The following STK32C variants were observed in gnomAD, a reference collection of about 807,000 sequenced individuals.
The protein encoded by STK32C is serine/threonine kinase 32C, also known as serine/threonine-protein kinase 32C.
In STK32C, 31 loss-of-function variants were observed where a neutral mutation model predicts 56.5. That is an observed-to-expected ratio of 0.55 (90% CI 0.41 to 0.74). The LOEUF (loss-of-function observed/expected upper bound fraction) is 0.74, where lower values mean the gene tolerates loss of function less well. STK32C is among the 30% of genes least tolerant of loss of function. The probability of loss-of-function intolerance (pLI) is 0.00; values close to 1 mark genes in which losing one functional copy is unlikely to be tolerated. For missense variants in STK32C, 544 were observed against 676.9 expected (o/e 0.80, Z 2.18); for synonymous variants, 309 against 289.4 (o/e 1.07, Z -0.69).
intron 4 of STK32C, 81 bp downstream of exon 4, chr10:132,226,711 GGCC>G (rs1280074754): frequency 1.3e-6 from 2 of 1,520,300 alleles, no homozygotes; most frequent in African/African-American, 2.7e-5. Flanking sequence ...GAGGGAGTAC[GGCC>G]GCCGTGCCGG....
At chr10:132,249,328 G>A (rs1485409152) in intron 1 of STK32C, among the ~76,000 whole-genome samples, 1 of 148,266 alleles carries the variant, frequency 6.7e-6, no homozygotes, top group Non-Finnish European at 1.5e-5. Flanking sequence ...GACTGACAAG[G>A]AGGGCAGCCA....
intron 1 of STK32C, among the ~76,000 whole-genome samples, chr10:132,251,791 T>C (rs3902243): frequency 0.035 from 1,914 of 55,140 alleles, 2 homozygotes; most frequent in East Asian, 0.092. Context: ...GGCAGGTCAA[T>C]GCCCTACGCC....
chr10:132,311,105 G>A (rs531058766), upstream of STK32C, among the ~76,000 whole-genome samples: 1 of 152,310 alleles, frequency 6.6e-6, no homozygotes, highest in East Asian at 1.9e-4. This position sits in a 1 kb window ranked among gnomAD's most constrained non-coding sequence, Gnocchi z 4.4. Context: ...CGCCTCCTGA[G>A]GGACATGCCT....
intron 1 of STK32C, among the ~76,000 whole-genome samples, chr10:132,248,208 G>T (rs1590254997): frequency 6.6e-6 from 1 of 152,260 alleles, no homozygotes; most frequent in African/African-American, 2.4e-5. Flanking sequence ...AACGTCACCA[G>T]ATGTTAAAGG....
chr10:132,217,143 G>A (rs115606809), intron 10 of STK32C, among the ~76,000 whole-genome samples: 1,916 of 152,346 alleles, frequency 0.013, 45 homozygotes, highest in African/African-American at 0.043. Context: ...CGGGAGGAAG[G>A]CTGTACTCTG....
chr10:132,301,679 C>T (rs554879206), intron 1 of STK32C, among the ~76,000 whole-genome samples: 8 of 152,340 alleles, frequency 5.3e-5, no homozygotes, highest in Non-Finnish European at 1.2e-4. Flanking sequence ...GCTACTGGGC[C>T]GGGTGAAAAT....
chr10:132,320,245 A>G (rs1214558097), downstream of STK32C, among the ~76,000 whole-genome samples: 1 of 152,120 alleles, frequency 6.6e-6, no homozygotes, highest in Admixed American at 6.5e-5. Context: ...TGTGTCCTCC[A>G]CTTTCATGCT....
upstream of STK32C, among the ~76,000 whole-genome samples, chr10:132,311,275 G>A (rs138380014): frequency 4.3e-4 from 65 of 152,352 alleles, no homozygotes; most frequent in African/African-American, 1.5e-3. This position sits in a 1 kb window ranked among gnomAD's most constrained non-coding sequence, Gnocchi z 4.4. Context: ...CGATTCGTGT[G>A]TGCTGTTTCC....
intron 10 of STK32C, among the ~76,000 whole-genome samples, chr10:132,216,772 G>A (rs1343486634): frequency 6.6e-6 from 1 of 152,236 alleles, no homozygotes; most frequent in African/African-American, 2.4e-5. Flanking sequence ...GGCTTCAGAG[G>A]GTACAAGCCC....
chr10:132,301,377 G>A (rs766547277), intron 1 of STK32C, among the ~76,000 whole-genome samples: 1 of 152,238 alleles, frequency 6.6e-6, no homozygotes, highest in Non-Finnish European at 1.5e-5. Context: ...TAAGAGCCGA[G>A]GGGCTCAAGA....
intron 1 of STK32C, among the ~76,000 whole-genome samples, chr10:132,246,535 T>C (rs2063699172): frequency 1.3e-5 from 2 of 152,148 alleles, no homozygotes; most frequent in Admixed American, 1.3e-4. Flanking sequence ...ATGACCTGTG[T>C]AGCCTGGGAG....
At chr10:132,212,818 A>C (rs1281138458) in intron 10 of STK32C, among the ~76,000 whole-genome samples, 3 of 152,228 alleles carry the variant, frequency 2.0e-5, no homozygotes, top group Non-Finnish European at 4.4e-5. Flanking sequence ...AATGAAAATC[A>C]ATGACTTTTC....
At chr10:132,259,124 T>C (rs1436834616) in intron 1 of STK32C, among the ~76,000 whole-genome samples, 1 of 152,062 alleles carries the variant, frequency 6.6e-6, no homozygotes, top group Non-Finnish European at 1.5e-5. Flanking sequence ...GCTGGGGGCA[T>C]GAACAGGGCC....
chr10:132,215,647 G>T lies in STK32C; in HGVS notation c.1252-6546C>A, dbSNP rs112470334. On this transcript the variant is annotated intron_variant, in intron 10 of 11. Coordinates refer to ENST00000298630, the MANE Select transcript of STK32C (RefSeq NM_173575.4). ...TTTCCTGTATAAATTTCCCAGTCTC[G>T]GATATGTCTTTATTAGCAGCGTGAG... 2.0e-5 allele frequency among the ~76,000 whole-genome samples: 3 copies of T among 152,160 alleles called. No individual in the cohort carries two copies. The South Asian group carries it at 6.2e-4, about 32-fold the overall frequency.
intron 1 of STK32C, among the ~76,000 whole-genome samples, chr10:132,297,322 C>T (rs1409794042): frequency 6.6e-6 from 1 of 152,170 alleles, no homozygotes. Context: ...CCTCCGCCCC[C>T]GCTGCCAGCA....
At chr10:132,233,337 AC>A (rs1227560383) in intron 2 of STK32C, among the ~76,000 whole-genome samples, 4 of 151,950 alleles carry the variant, frequency 2.6e-5, no homozygotes, top group African/African-American at 9.7e-5. Flanking sequence ...CCCTCCTGAG[AC>A]CCCCCTGAAG....
intron 1 of STK32C, among the ~76,000 whole-genome samples, chr10:132,296,417 G>T (rs1338459911): frequency 6.6e-6 from 1 of 152,050 alleles, no homozygotes; most frequent in Non-Finnish European, 1.5e-5. Flanking sequence ...AATGTACCCG[G>T]TTAATGCCAG....
At chr10:132,298,370 T>A (rs976453515) in intron 1 of STK32C, among the ~76,000 whole-genome samples, 7 of 152,266 alleles carry the variant, frequency 4.6e-5, no homozygotes, top group African/African-American at 7.2e-5. Context: ...GAATTCCTCC[T>A]GCCCCAATGT....
At chr10:132,276,728 A>T (rs955053123) in intron 1 of STK32C, among the ~76,000 whole-genome samples, 1 of 151,928 alleles carries the variant, frequency 6.6e-6, no homozygotes, top group African/African-American at 2.4e-5. Flanking sequence ...TCAAAGCTTC[A>T]GTGAGCTATG....
Sources: allele counts gnomAD v4.1 joint callset (sites outside exome capture counted in the v4.1 genomes callset), GRCh38; gene constraint gnomAD v4.1.1; non-coding constraint Gnocchi (gnomAD v3.1); transcripts MANE v1.5; gene names NCBI Gene and HGNC (gene_info 2026-07-23, HGNC 2026-07-21).